Variants in TRPM3 observed in about 807,000 individuals in gnomAD.
TRPM3 encodes the protein transient receptor potential cation channel subfamily M member 3, also known as long transient receptor potential channel 3.
A neutral mutation model predicts 181.2 loss-of-function variants in TRPM3; 77 were observed. That is an observed-to-expected ratio of 0.42 (90% confidence interval 0.35 to 0.51). The LOEUF is 0.51. Among genes scored for constraint, TRPM3 ranks in the 20% least tolerant of loss-of-function variants. TRPM3 has a pLI of 0.01. For missense variants in TRPM3, 1,759 were observed against 2,196.7 expected (o/e 0.80, Z 3.98); for synonymous variants, 745 against 796.4 (o/e 0.94, Z 1.09).
At chr9:70,860,528 A>C (rs554793178) in intron 3 of TRPM3, among the ~76,000 whole-genome samples, 1 of 152,304 alleles carries the variant, frequency 6.6e-6, no homozygotes, top group East Asian at 1.9e-4. Context: ...AGGCAGTAGG[A>C]AGCTAAGTAA....
At chr9:70,941,425 A>C (rs544348212) in intron 1 of TRPM3, among the ~76,000 whole-genome samples, 5 of 152,132 alleles carry the variant, frequency 3.3e-5, no homozygotes, top group Admixed American at 2.0e-4. Flanking sequence ...AGGCTGCACT[A>C]TCAGCTTTTC....
chr9:71,219,878 T>G (rs1264815266), intron 1 of TRPM3, among the ~76,000 whole-genome samples: 3 of 152,176 alleles, frequency 2.0e-5, no homozygotes, highest in Non-Finnish European at 2.9e-5. Flanking sequence ...TGTCTGATAG[T>G]GTGTACAAAA....
chr9:70,627,989 C>A (rs1391109710), intron 12 of TRPM3, among the ~76,000 whole-genome samples: 1 of 152,190 alleles, frequency 6.6e-6, no homozygotes, highest in African/African-American at 2.4e-5. Context: ...AAAAAGGGAG[C>A]TCAGAGAAAG....
chr9:71,246,153 C>T (rs1204877100), intron 1 of TRPM3, among the ~76,000 whole-genome samples: 1 of 152,096 alleles, frequency 6.6e-6, no homozygotes, highest in Non-Finnish European at 1.5e-5. Context: ...TTTATGGGAT[C>T]CAATAATGGG....
intron 1 of TRPM3, among the ~76,000 whole-genome samples, chr9:71,088,590 T>C (rs1456436078): frequency 6.6e-6 from 1 of 152,102 alleles, no homozygotes; most frequent in Non-Finnish European, 1.5e-5. Context: ...TACTTAATTG[T>C]AGAAAGTCCA....
chr9:71,227,540 A>G (rs1409124667), intron 1 of TRPM3, among the ~76,000 whole-genome samples: 1 of 152,138 alleles, frequency 6.6e-6, no homozygotes, highest in Non-Finnish European at 1.5e-5. Flanking sequence ...AGAGCGATGG[A>G]ACAAAAACTG....
intron 1 of TRPM3, among the ~76,000 whole-genome samples, chr9:71,199,732 T>C (rs1031182772): frequency 2.0e-5 from 1 of 50,354 alleles, no homozygotes; most frequent in Non-Finnish European, 4.9e-5. Flanking sequence ...CCCTTTATCA[T>C]TTTTTTTGCG....
At chr9:71,053,155 C>T (rs2060256678) in intron 1 of TRPM3, among the ~76,000 whole-genome samples, 1 of 147,962 alleles carries the variant, frequency 6.8e-6, no homozygotes, top group Admixed American at 6.7e-5. Flanking sequence ...ACAAGTCTTG[C>T]CATTCACAAC....
intron 1 of TRPM3, among the ~76,000 whole-genome samples, chr9:71,425,802 G>A (rs1221514152): frequency 1.3e-5 from 2 of 152,074 alleles, no homozygotes; most frequent in Admixed American, 1.3e-4. Context: ...CTGGCCCCAT[G>A]TTTCTCCCTA....
chr9:70,594,557 G>T (rs145958080), intron 21 of TRPM3, among the ~76,000 whole-genome samples: 6 of 152,286 alleles, frequency 3.9e-5, no homozygotes, highest in Admixed American at 3.9e-4. Context: ...TTGAGAAGTG[G>T]AATATGGAGG....
chr9:70,644,426 A>T (rs2058506297), intron 9 of TRPM3, among the ~76,000 whole-genome samples: 1 of 152,140 alleles, frequency 6.6e-6, no homozygotes, highest in Non-Finnish European at 1.5e-5. Context: ...AGGGCTGAAT[A>T]TGGAGTCATT....
rs151059320 is a variant in TRPM3, at chr9:70,740,548, C to T, written c.1272+21053G>A. On this transcript the variant is annotated intron_variant, in intron 8 of 25. Coordinates refer to ENST00000677713, the MANE Select transcript of TRPM3 (RefSeq NM_001366145.2). ...GCAAGACTAAGCAAAAAGAACAAAT[C>T]TGGAGGCATCACATTACCTGACTTC... 8.9e-4 allele frequency among the ~76,000 whole-genome samples: 136 copies of T among 152,294 alleles called. 1 individual carries two copies. The highest frequency in any genetic ancestry group is 3.2e-3 in the African/African-American group (133 of 41,564).
intron 1 of TRPM3, among the ~76,000 whole-genome samples, chr9:71,166,360 C>G (rs1337024684): frequency 6.6e-6 from 1 of 152,122 alleles, no homozygotes; most frequent in Admixed American, 6.6e-5. Context: ...CTAGCAGGCT[C>G]TTCTTCCACG....
chr9:70,780,882 C>CTT (rs796812316), intron 7 of TRPM3, among the ~76,000 whole-genome samples: 11 of 152,206 alleles, frequency 7.2e-5, no homozygotes, highest in African/African-American at 2.6e-4. Flanking sequence ...ATACTTAATT[C>CTT]TTTACCTCTG....
intron 12 of TRPM3, among the ~76,000 whole-genome samples, chr9:70,629,422 G>A (rs944059857): frequency 2.6e-5 from 4 of 151,936 alleles, no homozygotes; most frequent in South Asian, 4.2e-4. Flanking sequence ...TGCAACCTCC[G>A]CCTCCCGGGT....
chr9:70,544,747 A>AG (rs889230861), intron 25 of TRPM3, among the ~76,000 whole-genome samples: 4 of 152,038 alleles, frequency 2.6e-5, no homozygotes, highest in African/African-American at 9.7e-5. Flanking sequence ...AATGATCTAA[A>AG]GGGGGGAAAA....
At chr9:70,837,070 G>A (rs987944755) in intron 5 of TRPM3, among the ~76,000 whole-genome samples, 2 of 152,076 alleles carry the variant, frequency 1.3e-5, no homozygotes, top group African/African-American at 4.8e-5. Context: ...GATTTGGGCG[G>A]GTGTCCTTGT....
intron 1 of TRPM3, among the ~76,000 whole-genome samples, chr9:71,106,577 C>T (rs1482103681): frequency 6.6e-6 from 1 of 152,126 alleles, no homozygotes; most frequent in Non-Finnish European, 1.5e-5. Context: ...CCTGCAGAAC[C>T]ATGAGCCAAA....
At chr9:71,146,017 T>A (rs2075384471) in intron 1 of TRPM3, among the ~76,000 whole-genome samples, 1 of 152,214 alleles carries the variant, frequency 6.6e-6, no homozygotes, top group Non-Finnish European at 1.5e-5. Context: ...GTGATTCTGT[T>A]AGGTACATAT....
Sources: gnomAD v4.1 joint callset for allele counts (sites outside exome capture counted in the v4.1 genomes callset) on GRCh38, gnomAD v4.1.1 for gene constraint, MANE v1.5 for transcripts, NCBI Gene and HGNC (gene_info 2026-07-23, HGNC 2026-07-21) for gene names.